The following VPS13B variants were observed in gnomAD, a reference collection of about 807,000 sequenced individuals.
VPS13B encodes the protein vacuolar protein sorting 13 homolog B.
Under a neutral mutation model 426.4 loss-of-function variants are expected in VPS13B, and 285 were observed. The ratio of observed to expected loss-of-function variants is 0.67; its 90% confidence interval spans 0.61 to 0.74. The LOEUF is 0.74. VPS13B is among the 30% of genes least tolerant of loss of function. The probability of loss-of-function intolerance (pLI) is 0.00; values close to 1 mark genes in which losing one functional copy is unlikely to be tolerated. For missense variants in VPS13B, 4,537 were observed against 4,782.6 expected (o/e 0.95, Z 1.51); for synonymous variants, 1,676 against 1,676.4 (o/e 1.00, Z 0.01).
chr8:99,100,835 G>C (rs1169546587), intron 4 of VPS13B, among the ~76,000 whole-genome samples: 1 of 151,966 alleles, frequency 6.6e-6, no homozygotes, highest in African/African-American at 2.4e-5. Context: ...GAGGTCAGGA[G>C]TTCGAGACCA....
At chr8:99,632,323 CT>C (rs1420337020) in intron 33 of VPS13B, among the ~76,000 whole-genome samples, 1 of 151,888 alleles carries the variant, frequency 6.6e-6, no homozygotes, top group African/African-American at 2.4e-5. Context: ...GGAAGAATGT[CT>C]TCTTTTTAAC....
intron 34 of VPS13B, among the ~76,000 whole-genome samples, chr8:99,659,081 C>T (rs549862611): frequency 6.6e-6 from 1 of 152,240 alleles, no homozygotes. Flanking sequence ...GCAATATGCT[C>T]ACCTCGGCCT....
At chr8:99,347,303 G>A (rs1563680341) in intron 19 of VPS13B, 2 of 152,550 alleles carry the variant, frequency 1.3e-5, no homozygotes, top group African/African-American at 4.8e-5. Context: ...CTTCCACAGT[G>A]TGGGCTAGGT....
intron 21 of VPS13B, among the ~76,000 whole-genome samples, chr8:99,425,352 C>G (rs548564517): frequency 3.2e-4 from 49 of 152,196 alleles, no homozygotes; most frequent in South Asian, 1.2e-3. Flanking sequence ...CAGCACATCA[C>G]AAAGCTTATC....
Position 99,188,298 on chromosome 8 carries a change from A to C in VPS13B, c.2334-4578A>C, listed in dbSNP as rs957325739. Among the ~76,000 whole-genome samples, 101 of 152,220 alleles carry C rather than the reference A, an allele frequency of 6.6e-4. 1 individual carries two copies. Among genetic ancestry groups the C allele is most frequent in the Non-Finnish European group, 1.8e-4 (12 of 68,010 alleles). On this transcript the variant is annotated intron_variant, in intron 16 of 61. Coordinates refer to ENST00000357162, the MANE Select transcript of VPS13B (RefSeq NM_152564.5). Reference sequence around the variant, plus strand: ...TCAAAAAAGAAATTCTGTCTCTATGAGTCTAGACATTTTATAATAACAGAA... The same window carrying C: ...TCAAAAAAGAAATTCTGTCTCTATGCGTCTAGACATTTTATAATAACAGAA...
intron 16 of VPS13B, among the ~76,000 whole-genome samples, chr8:99,178,176 C>A (rs897752480): frequency 1.3e-5 from 2 of 149,042 alleles, no homozygotes; most frequent in Non-Finnish European, 3.0e-5. Context: ...TTTTATTATA[C>A]TCTAAGTTTT....
chr8:99,475,345 A>G (rs543021081), intron 24 of VPS13B, among the ~76,000 whole-genome samples: 3 of 152,296 alleles, frequency 2.0e-5, no homozygotes, highest in South Asian at 2.1e-4. Flanking sequence ...AAAGCTACAT[A>G]TAATAGACAG....
At chr8:99,068,861 G>C (rs1314684094) in intron 3 of VPS13B, among the ~76,000 whole-genome samples, 1 of 152,106 alleles carries the variant, frequency 6.6e-6, no homozygotes, top group Non-Finnish European at 1.5e-5. Context: ...AATTCTAGAT[G>C]AAATTTGGGT....
intron 21 of VPS13B, among the ~76,000 whole-genome samples, chr8:99,407,742 A>G (rs1407784974): frequency 6.6e-6 from 1 of 152,054 alleles, no homozygotes; most frequent in Admixed American, 6.6e-5. Flanking sequence ...ATATGTATAC[A>G]TGTGCCATGT....
chr8:99,031,045 G>A (rs888118664), intron 2 of VPS13B, among the ~76,000 whole-genome samples: 1 of 152,088 alleles, frequency 6.6e-6, no homozygotes, highest in African/African-American at 2.4e-5. Context: ...GGTAAAATTA[G>A]TTTTGTTACA....
rs554731112 is a variant in VPS13B, at chr8:99,257,911, T to C, written c.2516-16287T>C. Among the ~76,000 whole-genome samples, 4 of 152,018 alleles carry C rather than the reference T, an allele frequency of 2.6e-5. No individual in the cohort carries two copies. In the East Asian group the frequency reaches 7.7e-4, roughly 29 times the overall value. ...TGACTTTTACATAGTAGTCCTTCTT[T>C]AGATATTTGTACCAGTGGTTATTAC... On this transcript the variant is annotated intron_variant, in intron 17 of 61. Coordinates refer to ENST00000357162, the MANE Select transcript of VPS13B (RefSeq NM_152564.5).
chr8:99,493,429 A>G (rs917843663), intron 25 of VPS13B, among the ~76,000 whole-genome samples: 25 of 152,220 alleles, frequency 1.6e-4, no homozygotes, highest in African/African-American at 5.1e-4. Context: ...CTTGGCTATA[A>G]CACATATCTG....
chr8:99,803,905 A>G (rs1038182109), intron 43 of VPS13B, among the ~76,000 whole-genome samples: 3 of 152,124 alleles, frequency 2.0e-5, no homozygotes, highest in Admixed American at 6.5e-5. Context: ...CATGATGCTC[A>G]CCTATTGTAT....
chr8:99,061,861 T>C (rs923588367), intron 3 of VPS13B, among the ~76,000 whole-genome samples: 48 of 152,352 alleles, frequency 3.2e-4, no homozygotes, highest in African/African-American at 1.1e-3. Context: ...TCAATAATAA[T>C]AACTATTACT....
chr8:99,221,761 A>G (rs1212722512), intron 17 of VPS13B, among the ~76,000 whole-genome samples: 1 of 152,162 alleles, frequency 6.6e-6, no homozygotes, highest in Admixed American at 6.5e-5. Context: ...GCTAGAGTAC[A>G]GGGGCACAAC....
chr8:99,847,163 GAAC>G (rs1816026714), intron 54 of VPS13B, among the ~76,000 whole-genome samples: 3 of 152,012 alleles, frequency 2.0e-5, no homozygotes, highest in African/African-American at 4.8e-5. Context: ...TTTTACCTTG[GAAC>G]AAATAGGGCA....
chr8:99,293,987 C>T, intron 19 of VPS13B, among the ~76,000 whole-genome samples: 1 of 113,984 alleles, frequency 8.8e-6, no homozygotes, highest in East Asian at 2.3e-4. Context: ...TGTGGCGATT[C>T]CTCAGGGATC....
intron 5 of VPS13B, among the ~76,000 whole-genome samples, 171 bp from the exon 6 acceptor site, chr8:99,110,927 G>A (rs1438329340): frequency 2.0e-5 from 3 of 151,790 alleles, no homozygotes; most frequent in Non-Finnish European, 4.4e-5. Flanking sequence ...GATTTAAATT[G>A]TATAATAAAA....
In VPS13B at chr8:99,136,658, T is replaced by C. The variant is rs1476382083; in HGVS notation, c.1564-7T>C. 2 of 1,613,530 alleles carry C rather than the reference T, an allele frequency of 1.2e-6. No homozygotes were observed. The highest frequency in any genetic ancestry group is 2.2e-5 in the East Asian group (1 of 44,804). ...TGTTTATTCTGTTTGCATTGCTTTG[T>C]TGGCAGGAGACATACACTGAGATAG... On this transcript the variant is annotated splice_polypyrimidine_tract_variant and splice_region_variant and intron_variant, in intron 11 of 61. Transcript: ENST00000357162.
Sources: allele counts gnomAD v4.1 joint callset (sites outside exome capture counted in the v4.1 genomes callset), GRCh38; gene constraint gnomAD v4.1.1; transcripts MANE v1.5; gene names NCBI Gene and HGNC (gene_info 2026-07-23, HGNC 2026-07-21).